The following HEATR3 variants were observed in gnomAD, a reference collection of about 807,000 sequenced individuals.
HEATR3 encodes the protein HEAT repeat-containing protein 3.
A neutral mutation model predicts 72.8 loss-of-function variants in HEATR3; 56 were observed. That is an observed-to-expected ratio of 0.77 (90% CI 0.62 to 0.96). The LOEUF is 0.96. Among genes scored for constraint, HEATR3 ranks in the 40% least tolerant of loss-of-function variants. HEATR3 has a pLI of 0.00. For synonymous variants in HEATR3, 331 were observed against 318.1 expected, an observed-to-expected ratio of 1.04 and a Z score of -0.43; for missense variants, 747 against 831.4, an observed-to-expected ratio of 0.90 and a Z score of 1.25.
intron 7 of HEATR3, among the ~76,000 whole-genome samples, chr16:50,079,502 G>C (rs1001035348): frequency 1.3e-5 from 2 of 152,140 alleles, no homozygotes; most frequent in Non-Finnish European, 2.9e-5. Context: ...GATGAATGAT[G>C]GTTTGTAGTT....
chr16:50,068,694 A>T (rs937138296), intron 2 of HEATR3, 86 bp from the exon 3 acceptor site: 19 of 936,962 alleles, frequency 2.0e-5, no homozygotes, highest in Non-Finnish European at 2.9e-5. Context: ...AACCTTAAAT[A>T]TGGCTAAAAA....
chr16:50,093,388 A>C (rs2037162382), intron 11 of HEATR3, among the ~76,000 whole-genome samples: 1 of 152,094 alleles, frequency 6.6e-6, no homozygotes, highest in Admixed American at 6.6e-5. Flanking sequence ...GCTTTTTCCT[A>C]TTCCACAATG....
rs768536104 is a variant in HEATR3, at chr16:50,075,676, C to G, written c.728C>G (p.Ser243Cys). Residue 243 changes from serine to cysteine, a missense_variant, in exon 6 of 15, where the codon TCC becomes TGC. By Grantham distance (112) the Ser-to-Cys change is moderately radical. Around this residue, in one of 2 missense-constraint regions of HEATR3, gnomAD observed 586 missense variants for 708.8 expected, o/e 0.83. Transcript: ENST00000299192. The stretch of plus-strand genomic sequence containing the variant: ...TCAGCACTGCTTTCTCCTGTCAGTT[C>G]CATGGAATCTCTTCTATTGAAGACA... ...LESALLSPVS[S>C]MESLLLKTLV... 1 of 1,613,820 alleles carries G rather than the reference C, an allele frequency of 6.2e-7. No individual in the cohort carries two copies. Among genetic ancestry groups the G allele is most frequent in the Non-Finnish European group, 8.5e-7 (1 of 1,179,812 alleles).
intron 14 of HEATR3, among the ~76,000 whole-genome samples, 189 bp from the exon 15 acceptor site, chr16:50,104,750 T>C (rs79646098): frequency 0.033 from 5,080 of 152,284 alleles, 266 homozygotes; most frequent in East Asian, 0.2. Context: ...TCATTTTTAA[T>C]AATGCACATT....
At position 50,084,251 on chromosome 16, in the gene HEATR3, A is replaced by C; in HGVS notation, c.1250A>C (p.Glu417Ala). ...TTTTCTCCCCTCTGCCTCTCCCATG[A>C]AGTTCACACGGCTCTCACCAACTAC... ...QLFSPLCLSHEVHTALTNYLI... is the reference protein window; with the variant it reads ...QLFSPLCLSHAVHTALTNYLI... The change falls in exon 9 of 15, where the codon GAA becomes GCA. Residue 417 changes from glutamate to alanine, a missense_variant. Glu to Ala is a moderately radical substitution (Grantham distance 107, BLOSUM62 -1). This residue lies in a region of HEATR3 where 586 missense variants were observed against 708.8 expected (regional missense o/e 0.83). Transcript: ENST00000299192. 1 of 1,614,144 alleles carries C rather than the reference A, an allele frequency of 6.2e-7. No homozygotes were observed. Among genetic ancestry groups the C allele is most frequent in the Admixed American group, 1.7e-5 (1 of 60,004 alleles).
At chr16:50,068,661 A>G in intron 2 of HEATR3, 119 bp from the exon 3 acceptor site, 5 of 754,978 alleles carry the variant, frequency 6.6e-6, no homozygotes, top group Non-Finnish European at 2.3e-6. Flanking sequence ...TATGACAGAA[A>G]CAATAAGCTA....
rs535864837 is a variant in HEATR3, at chr16:50,102,366, C to A, written c.1851C>A (p.Ala617=). Reference sequence around the variant, plus strand: ...ATGTTTTTGCAGATGGTAAAGAAGCCGAAAGAGCCTCGATTCAAATTAAAT... The same window carrying A: ...ATGTTTTTGCAGATGGTAAAGAAGCAGAAAGAGCCTCGATTCAAATTAAAT... ...LFDVFADGKE[A]ERASIQIKLL... The change falls in exon 14 of 15, where the codon GCC becomes GCA. Residue 617 remains alanine, a synonymous_variant. Transcript: ENST00000299192. 2.5e-6 allele frequency: 4 copies of A among 1,613,860 alleles called. No homozygotes were observed. The highest frequency in any genetic ancestry group is 1.3e-5 in the African/African-American group (1 of 74,860).
chr16:50,073,053 A>C, intron 5 of HEATR3: 1 of 232,194 alleles, frequency 4.3e-6, no homozygotes, highest in South Asian at 6.4e-5. Flanking sequence ...CCAGGCCTTT[A>C]AGCCAGTTAA....
chr16:50,066,734 C>A, intron 2 of HEATR3, 195 bp downstream of exon 2: 1 of 465,962 alleles, frequency 2.1e-6, no homozygotes, highest in Non-Finnish European at 3.5e-6. Context: ...GTCCACCTGG[C>A]TGCTTCACCT....
intron 11 of HEATR3, 74 bp from the exon 12 acceptor site, chr16:50,094,631 G>T: frequency 1.2e-6 from 1 of 810,564 alleles, no homozygotes; most frequent in South Asian, 1.8e-5. Flanking sequence ...AGCATGCTTT[G>T]TTTTGTTTGT....
At position 50,078,868 on chromosome 16, in the gene HEATR3, G is replaced by A. The variant is rs2036799982; in HGVS notation, c.891G>A (p.Glu297=). Reference sequence around the variant, plus strand: ...GTGAAATGGTTATTCAAATGAAAGAGGCTGAAACGCAAAGGTTAAAAACTG... The same window carrying A: ...GTGAAATGGTTATTCAAATGAAAGAAGCTGAAACGCAAAGGTTAAAAACTG... ...DAGEMVIQMK[E]AETQRLKTAA... The change falls in exon 7 of 15, where the codon GAG becomes GAA. Residue 297 remains glutamate (E), a synonymous_variant. Transcript: ENST00000299192. 7 of 1,614,080 alleles carry A rather than the reference G, an allele frequency of 4.3e-6. No homozygotes were observed. The highest frequency in any genetic ancestry group is 4.2e-6 in the Non-Finnish European group (5 of 1,180,012).
At position 50,066,359 on chromosome 16, in the gene HEATR3, A is replaced by T; in HGVS notation, c.139-8A>T. 6.4e-7 allele frequency: 1 copy of T among 1,554,274 alleles called. No individual in the cohort carries two copies. Among genetic ancestry groups the T allele is most frequent in the Non-Finnish European group, 8.6e-7 (1 of 1,160,656 alleles). Reference sequence around the variant, plus strand: ...GCGCCTTCTGACCCTTTTCGCTCTCATCCGCAGCTCCAGCACCCGAGCGCC... The same window carrying T: ...GCGCCTTCTGACCCTTTTCGCTCTCTTCCGCAGCTCCAGCACCCGAGCGCC... On this transcript the variant is annotated splice_polypyrimidine_tract_variant and splice_region_variant and intron_variant, in intron 1 of 14. Coordinates refer to ENST00000299192, the MANE Select transcript of HEATR3 (RefSeq NM_182922.4).
rs750196421 is a variant in HEATR3, at chr16:50,105,112, A to G, written c.*51A>G. 15 of 1,557,704 alleles carry G rather than the reference A, an allele frequency of 9.6e-6. No homozygotes were observed. Among genetic ancestry groups the G allele is most frequent in the Admixed American group, 5.5e-5 (3 of 54,092 alleles). Reference sequence around the variant, plus strand: ...TCCCCCAAAGTATTCAATGCTTAGAATACTAAAAGGTTTTCTTTGAATGTA... The same window carrying G: ...TCCCCCAAAGTATTCAATGCTTAGAGTACTAAAAGGTTTTCTTTGAATGTA... On this transcript the variant is annotated 3_prime_UTR_variant, in exon 15 of 15. Transcript: ENST00000299192.
chr16:50,089,912 G>T (rs1305833664), intron 11 of HEATR3, among the ~76,000 whole-genome samples: 3 of 152,016 alleles, frequency 2.0e-5, no homozygotes, highest in Admixed American at 6.6e-5. Flanking sequence ...TGATCCACCC[G>T]CCTCGACCTC....
chr16:50,093,046 G>A (rs1027253068), intron 11 of HEATR3, among the ~76,000 whole-genome samples: 2 of 152,140 alleles, frequency 1.3e-5, no homozygotes, highest in Non-Finnish European at 2.9e-5. Context: ...TCTATCCTAG[G>A]GCTGAGTGTG....
At chr16:50,069,478 G>T (rs1198265258) in intron 3 of HEATR3, among the ~76,000 whole-genome samples, 1 of 152,158 alleles carries the variant, frequency 6.6e-6, no homozygotes, top group African/African-American at 2.4e-5. Context: ...ATTCTCAACT[G>T]GGTATGATCT....
chr16:50,080,194 G>A (rs1026948328), intron 7 of HEATR3: 2 of 152,140 alleles, frequency 1.3e-5, no homozygotes, highest in African/African-American at 4.8e-5. Context: ...CTCGGGAAGC[G>A]TAAATTGATG....
chr16:50,095,377 G>A (rs1481960038), intron 12 of HEATR3, among the ~76,000 whole-genome samples: 2 of 149,172 alleles, frequency 1.3e-5, no homozygotes, highest in Admixed American at 6.7e-5. Flanking sequence ...AAAGTGCTGG[G>A]ATGACAGGCG....
intron 14 of HEATR3, among the ~76,000 whole-genome samples, chr16:50,104,068 C>T (rs557989081): frequency 3.3e-5 from 5 of 150,824 alleles, no homozygotes; most frequent in Non-Finnish European, 4.4e-5. Flanking sequence ...ACAAAACCAG[C>T]GCTGGGCATG....
Sources: allele counts gnomAD v4.1 joint callset (sites outside exome capture counted in the v4.1 genomes callset), GRCh38; gene constraint gnomAD v4.1.1; regional missense constraint gnomAD v4.1.1; transcripts MANE v1.5; gene names NCBI Gene and HGNC (gene_info 2026-07-23, HGNC 2026-07-21).